The following RBBP6 variants were observed in gnomAD, a reference collection of about 807,000 sequenced individuals.
RBBP6 encodes the protein RB binding protein 6, ubiquitin ligase.
RBBP6 carries 25 observed loss-of-function variants against 167.7 expected under a neutral mutation model. That is an observed-to-expected ratio of 0.15 (90% CI 0.11 to 0.21). RBBP6 has a LOEUF of 0.21. Among genes scored for constraint, RBBP6 ranks in the 10% least tolerant of loss-of-function variants. RBBP6 has a pLI of 1.00. For synonymous variants in RBBP6, 789 were observed against 735.8 expected (o/e 1.07, Z -1.17); for missense variants, 1,868 against 2,134.2 (o/e 0.88, Z 2.46).
chr16:24,561,746 T>A, intron 9 of RBBP6, 31 bp downstream of exon 9: 1 of 1,609,854 alleles, frequency 6.2e-7, no homozygotes, highest in Non-Finnish European at 8.5e-7. Flanking sequence ...TATGAAAAAA[T>A]TCTTTTTAAC....
At chr16:24,559,786 G>A in intron 8 of RBBP6, 109 bp downstream of exon 8, 1 of 1,009,080 alleles carries the variant, frequency 9.9e-7, no homozygotes, top group Non-Finnish European at 1.4e-6. Flanking sequence ...TAATGTTGAT[G>A]ACAAGTGTTG....
In RBBP6 at chr16:24,570,204, G is replaced by C; in HGVS notation, c.3514G>C (p.Val1172Leu). The change falls in exon 17 of 18, where the codon GTG (valine) becomes CTG (leucine). Residue 1172 changes from valine to leucine, a missense_variant. By Grantham distance (32) the Val-to-Leu change is conservative. Coordinates refer to ENST00000319715, the MANE Select transcript of RBBP6 (RefSeq NM_006910.5). ...TTCAATGAAAATCTCGAAACTAGAA[G>C]TGACTGAAATAGTGAAACCATCACC... ...SSSMKISKLE[V>L]TEIVKPSPKR... is the part of the protein sequence containing the mutation. The C allele has an allele frequency of 6.2e-7, 1 of 1,610,564 alleles. No individual in the cohort carries two copies. Among genetic ancestry groups the C allele is most frequent in the Admixed American group, 1.7e-5 (1 of 59,272 alleles).
rs1435614779 is a variant in RBBP6 at position 24,568,855 on chromosome 16, C to T, written c.2165C>T (p.Ser722Leu). The change falls in exon 17 of 18, where the codon TCA (serine) becomes TTA (leucine). Residue 722 changes from serine to leucine, a missense_variant. Transcript: ENST00000319715. ...TCTTATTCTCGATCATTCAGCCGCT[C>T]ACATTCTCGTTCCTATTCACGGTCA... ...SRSYSRSFSRSHSRSYSRSPP... is the reference protein window; with the variant it reads ...SRSYSRSFSRLHSRSYSRSPP... The T allele has an allele frequency of 6.2e-7, 1 of 1,614,224 alleles. No homozygotes were observed.
intron 1 of RBBP6, among the ~76,000 whole-genome samples, chr16:24,544,734 T>G (rs889998155): frequency 1.3e-5 from 2 of 152,186 alleles, no homozygotes; most frequent in Non-Finnish European, 2.9e-5. Context: ...TTTTCTTAAT[T>G]TCATTCTTAT....
Position 24,563,452 on chromosome 16 carries a change from A to G in RBBP6, c.1416A>G (p.Pro472=), listed in dbSNP as rs1899119028. The G allele has an allele frequency of 5.6e-6, 9 of 1,608,038 alleles. No homozygotes were observed. Among genetic ancestry groups the G allele is most frequent in the Non-Finnish European group, 7.6e-6 (9 of 1,179,022 alleles). ...KGYQVPVLGT[P]SLLGQSLLHG... Reference sequence around the variant, plus strand: ...ACCAGGTGCCTGTTCTTGGAACCCCATCTTTGCTTGGACAGTCATTATTGC... The same window carrying G: ...ACCAGGTGCCTGTTCTTGGAACCCCGTCTTTGCTTGGACAGTCATTATTGC... The change falls in exon 12 of 18, where the codon CCA becomes CCG. Residue 472 remains proline, a synonymous_variant. Transcript: ENST00000319715.
chr16:24,572,376 A>G lies in RBBP6; in HGVS notation c.5310A>G (p.Ser1770=). The change falls in exon 18 of 18, where the codon TCA becomes TCG. Residue 1770 remains serine (S), a synonymous_variant. Coordinates refer to ENST00000319715, the MANE Select transcript of RBBP6 (RefSeq NM_006910.5). ...SQKHKHKKKK[S]KKNKDKEKEK... is the part of the protein sequence containing the mutation. ...AACACAAACACAAGAAAAAGAAGTC[A>G]AAGAAGAACAAAGATAAAGAGAAGG... 6 of 1,549,334 alleles carry G rather than the reference A, an allele frequency of 3.9e-6. No homozygotes were observed. The highest frequency in any genetic ancestry group is 5.2e-6 in the Non-Finnish European group (6 of 1,146,410).
intron 7 of RBBP6, among the ~76,000 whole-genome samples, chr16:24,557,727 CAG>C (rs1479771610): frequency 6.6e-6 from 1 of 152,066 alleles, no homozygotes; most frequent in East Asian, 1.9e-4. Flanking sequence ...TTCATGTTCT[CAG>C]TGAAAAAATA....
intron 3 of RBBP6, among the ~76,000 whole-genome samples, chr16:24,552,707 A>G (rs1242910116): frequency 6.6e-6 from 1 of 151,838 alleles, no homozygotes; most frequent in Non-Finnish European, 1.5e-5. Flanking sequence ...TGCCTCTTCA[A>G]ATATGCCCAG....
chr16:24,540,503 C>A lies in RBBP6; in HGVS notation c.-124C>A. 2.1e-6 allele frequency: 2 copies of A among 958,248 alleles called. No individual in the cohort carries two copies. Among genetic ancestry groups the A allele is most frequent in the South Asian group, 1.8e-5 (1 of 55,472 alleles). 59.4% of individuals were successfully genotyped at this position (958,248 alleles called of 1,614,324 possible). On this transcript the variant is annotated 5_prime_UTR_variant, in exon 1 of 18. Coordinates refer to ENST00000319715, the MANE Select transcript of RBBP6 (RefSeq NM_006910.5). ...TGGTTGGGGGGTATTTAATCTGAGGCCTTAGGGTCCTTCGGTGTCTTTGAG... is the reference window on the plus strand; with the variant it reads ...TGGTTGGGGGGTATTTAATCTGAGGACTTAGGGTCCTTCGGTGTCTTTGAG...
At chr16:24,545,768 T>C (rs1276480739) in intron 1 of RBBP6, among the ~76,000 whole-genome samples, 1 of 152,266 alleles carries the variant, frequency 6.6e-6, no homozygotes, top group Non-Finnish European at 1.5e-5. Context: ...TCCTCAGTAA[T>C]AATTTCTGTG....
At chr16:24,553,373 A>G (rs1461296547) in intron 3 of RBBP6, 140 bp from the exon 4 acceptor site, 3 of 621,044 alleles carry the variant, frequency 4.8e-6, no homozygotes, top group Non-Finnish European at 8.4e-6. Context: ...AGGCTGAGCT[A>G]CATTTTCAAG....
chr16:24,564,849 G>A lies in RBBP6; in HGVS notation c.1573G>A (p.Glu525Lys). 1 of 1,613,060 alleles carries A rather than the reference G, an allele frequency of 6.2e-7. No individual in the cohort carries two copies. The highest frequency in any genetic ancestry group is 8.5e-7 in the Non-Finnish European group (1 of 1,179,408). The change falls in exon 14 of 18, where the codon GAG becomes AAG. Residue 525 changes from glutamate (E) to lysine (K), a missense_variant. By Grantham distance (56) the Glu-to-Lys change is moderately conservative (BLOSUM62 1). Coordinates refer to ENST00000319715, the MANE Select transcript of RBBP6 (RefSeq NM_006910.5). The stretch of plus-strand genomic sequence containing the variant: ...TCCACCACAACAAATTAGAAGAGGG[G>A]AGAGGAGCTGCTACAGGTAGGCATG... ...VSPPQQIRRG[E>K]RSCYRSINRG... is the part of the protein sequence containing the mutation.
chr16:24,563,712 A>G, intron 13 of RBBP6, 48 bp downstream of exon 13: 1 of 1,573,984 alleles, frequency 6.4e-7, no homozygotes, highest in South Asian at 1.1e-5. Context: ...TGCAAACTAG[A>G]TAATGGAAGG....
Position 24,553,558 on chromosome 16 carries a change from GTATA to G in RBBP6, c.348+15_348+18del, listed in dbSNP as rs72133882. ...TATTTCTCTGGCCCAGCTTACAAAG[GTATA>G]TATATATATATATTCTTGAAAATAT... On this transcript the variant is annotated splice_donor_variant and splice_donor_5th_base_variant and intron_variant, in intron 4 of 17. Transcript: ENST00000319715. LOFTEE classifies it high-confidence loss of function. The G allele has an allele frequency of 6.0e-3, 8,180 of 1,361,558 alleles. No homozygotes were observed. Among genetic ancestry groups the G allele is most frequent in the South Asian group, 0.015 (973 of 66,066 alleles). The allele number at this position is 1,361,558 out of a possible 1,614,324, so 84.3% of individuals were successfully genotyped here.
At position 24,572,183 on chromosome 16, in the gene RBBP6, C is replaced by T. The variant is rs1056766794; in HGVS notation, c.5117C>T (p.Pro1706Leu). 4 of 1,613,850 alleles carry T rather than the reference C, an allele frequency of 2.5e-6. No individual in the cohort carries two copies. The African/African-American group carries it at 4.0e-5, about 16-fold the overall frequency. The change falls in exon 18 of 18, where the codon CCT becomes CTT. Residue 1706 changes from proline to leucine, a missense_variant. Physicochemically the swap from Pro to Leu is moderately conservative, Grantham distance 98 (BLOSUM62 -3). Around this residue, in one of 7 missense-constraint regions of RBBP6, gnomAD observed 591 missense variants for 540.5 expected, o/e 1.09. Coordinates refer to ENST00000319715, the MANE Select transcript of RBBP6 (RefSeq NM_006910.5). Reference sequence around the variant, plus strand: ...GTCAGCCCCAGCAGAAGCCACAGTCCTTCTGGAAGCCAGACCCGAAGCCAC... The same window carrying T: ...GTCAGCCCCAGCAGAAGCCACAGTCTTTCTGGAAGCCAGACCCGAAGCCAC... ...PSVSPSRSHS[P>L]SGSQTRSHSS...
At chr16:24,564,740 G>A (rs1372935114) in intron 13 of RBBP6, 57 bp from the exon 14 acceptor site, 3 of 1,577,950 alleles carry the variant, frequency 1.9e-6, no homozygotes, top group Non-Finnish European at 2.6e-6. Context: ...GCATGGAAAG[G>A]TCATGTATTA....
At chr16:24,567,668 ATAGT>A (rs2141476898) in intron 15 of RBBP6, 120 bp from the exon 16 acceptor site, 1 of 1,247,832 alleles carries the variant, frequency 8.0e-7, no homozygotes, top group Non-Finnish European at 1.1e-6. Flanking sequence ...TTCCTAGTTT[ATAGT>A]TTTAAAGTGG....
In RBBP6 at chr16:24,561,763, A is replaced by G. The variant is rs756734829; in HGVS notation, c.951+48A>G. 7 of 1,607,162 alleles carry G rather than the reference A, an allele frequency of 4.4e-6. No homozygotes were observed. The South Asian group carries it at 7.7e-5, about 18-fold the overall frequency. ...TGAAAAAATTCTTTTTAACTGATTT[A>G]ACTGTACTTCAGTGAATACTGCATA... is the stretch of plus-strand genomic sequence containing the variant. On this transcript the variant is annotated intron_variant, in intron 9 of 17. Transcript: ENST00000319715.
Position 24,540,543 on chromosome 16 carries a change from A to G in RBBP6, c.-84A>G. 3 of 1,375,786 alleles carry G rather than the reference A, an allele frequency of 2.2e-6. No individual in the cohort carries two copies. The highest frequency in any genetic ancestry group is 2.8e-5 in the South Asian group (2 of 72,352). The allele number at this position is 1,375,786 out of a possible 1,614,324, so 85.2% of individuals were successfully genotyped here. Reference sequence around the variant, plus strand: ...GTGTCTTTGAGTGTTTTGTGTGTACATATTTTGCTCTTAAAGTTTATAAAT... The same window carrying G: ...GTGTCTTTGAGTGTTTTGTGTGTACGTATTTTGCTCTTAAAGTTTATAAAT... On this transcript the variant is annotated 5_prime_UTR_variant, in exon 1 of 18. Transcript: ENST00000319715.
Sources: allele counts gnomAD v4.1 joint callset (sites outside exome capture counted in the v4.1 genomes callset), GRCh38; gene constraint gnomAD v4.1.1; regional missense constraint gnomAD v4.1.1; transcripts MANE v1.5; gene names NCBI Gene and HGNC (gene_info 2026-07-23, HGNC 2026-07-21).